AP3D1: variants seen among roughly 807,000 people sequenced by gnomAD.
The protein encoded by AP3D1 is adaptor related protein complex 3 subunit delta 1.
A neutral mutation model predicts 147.6 loss-of-function variants in AP3D1; 51 were observed. The ratio of observed to expected loss-of-function variants is 0.35; its 90% confidence interval spans 0.28 to 0.44. The LOEUF (loss-of-function observed/expected upper bound fraction) is 0.44, where lower values mean the gene tolerates loss of function less well. Ranked by LOEUF, AP3D1 falls within the 20% of genes least tolerant of loss-of-function variation. The pLI is 1.00. For synonymous variants in AP3D1, 760 were observed against 663.0 expected (o/e 1.15, Z -2.25); for missense variants, 1,421 against 1,624.2 (o/e 0.87, Z 2.15).
chr19:2,138,556 G>C (rs972872331), intron 2 of AP3D1, 63 bp downstream of exon 2: 91 of 1,220,064 alleles, frequency 7.5e-5, no homozygotes, highest in Non-Finnish European at 1.0e-4. Context: ...ATGAATAGGG[G>C]ACACGTGCTG....
In AP3D1 at chr19:2,111,804, T is replaced by C. The variant is rs201127154; in HGVS notation, c.2812A>G (p.Lys938Glu). Residue 938 changes from lysine (K) to glutamate (E), a missense_variant, in exon 25 of 32, where the codon AAG (lysine) becomes GAG (glutamate). Physicochemically the swap from Lys to Glu is moderately conservative, Grantham distance 56. Transcript: ENST00000643116. ...CGCTCCTCCTTCTCCTTCCTGTGCT[T>C]CTTCTTCTTAGGCTTGGGAGATTTC... ...DKKSPKPKKK[K>E]HRKEKEERTK... is the part of the protein sequence containing the mutation. 6.2e-7 allele frequency: 1 copy of C among 1,613,884 alleles called. No individual in the cohort carries two copies.
intron 1 of AP3D1, among the ~76,000 whole-genome samples, chr19:2,139,737 G>C (rs547104050): frequency 6.6e-6 from 1 of 152,204 alleles, no homozygotes; most frequent in Non-Finnish European, 1.5e-5. Flanking sequence ...ACGGCTGCCC[G>C]GGCCCCGTCC....
Position 2,144,151 on chromosome 19 carries a change from G to A in AP3D1, c.97-5437C>T, listed in dbSNP as rs549545395. ...GAGTCAGGAAAGGGGACGCGCCGGC[G>A]AAGTGGTCCATCCTGCCCAGGATAA... On this transcript the variant is annotated intron_variant, in intron 1 of 31. Coordinates refer to ENST00000643116, the MANE Select transcript of AP3D1 (RefSeq NM_001261826.3). Among the ~76,000 whole-genome samples, 20 of 151,616 alleles carry A rather than the reference G, an allele frequency of 1.3e-4. No homozygotes were observed. In the South Asian group the frequency reaches 1.5e-3, roughly 11 times the overall value.
chr19:2,163,325 C>T (rs927034608), intron 1 of AP3D1, among the ~76,000 whole-genome samples: 8 of 151,418 alleles, frequency 5.3e-5, no homozygotes, highest in South Asian at 2.1e-4. Flanking sequence ...CTTCCCGCCT[C>T]GGCCTCACAA....
intron 24 of AP3D1, chr19:2,112,157 C>T: frequency 2.6e-6 from 1 of 391,938 alleles, no homozygotes; most frequent in Non-Finnish European, 4.8e-6. Flanking sequence ...CGAGAGGGAA[C>T]ACACACATCC....
chr19:2,159,133 G>A (rs1409168991), intron 1 of AP3D1, among the ~76,000 whole-genome samples: 1 of 151,978 alleles, frequency 6.6e-6, no homozygotes, highest in Non-Finnish European at 1.5e-5. Flanking sequence ...GGGATTACAG[G>A]CACACACCAC....
chr19:2,127,535 T>A (rs1599469650), intron 8 of AP3D1, among the ~76,000 whole-genome samples: 1 of 152,198 alleles, frequency 6.6e-6, no homozygotes, highest in Non-Finnish European at 1.5e-5. Flanking sequence ...TTGTTTTTTG[T>A]CTTTTCTGAG....
chr19:2,111,193 C>G (rs542520417), intron 26 of AP3D1, 92 bp downstream of exon 26: 87 of 1,498,484 alleles, frequency 5.8e-5, no homozygotes, highest in Non-Finnish European at 7.6e-5. Context: ...TACCAACATC[C>G]GGGAGCTGTG....
At chr19:2,135,478 G>A (rs2019052135) in intron 4 of AP3D1, among the ~76,000 whole-genome samples, 1 of 152,198 alleles carries the variant, frequency 6.6e-6, no homozygotes, top group Non-Finnish European at 1.5e-5. Context: ...AGAGGTTGCG[G>A]TGAGCCGACA....
At position 2,159,181 on chromosome 19, in the gene AP3D1, G is replaced by T. The variant is rs1271375944; in HGVS notation, c.-103+5175C>A. Among the ~76,000 whole-genome samples the T allele has an allele frequency of 2.6e-5, 4 of 151,160 alleles. No homozygotes were observed. The East Asian group carries it at 7.8e-4, about 29-fold the overall frequency. On this transcript the variant is annotated intron_variant, in intron 1 of 14. Coordinates refer to the AP3D1 transcript ENST00000643010. The stretch of plus-strand genomic sequence containing the variant: ...ATTTTTTTATTTTTAGTAGAGACGG[G>T]GTTTCACCATGTTGGCCACGATGGT...
Position 2,110,236 on chromosome 19 carries a change from G to A in AP3D1, c.3176-12C>T, listed in dbSNP as rs754088403. ...TTCGTTGGAGACGCCTGGCGGGGGC[G>A]AGAGGGAGTGGGGCCTGAGACGCTG... is the stretch of plus-strand genomic sequence containing the variant. On this transcript the variant is annotated splice_polypyrimidine_tract_variant and intron_variant, in intron 27 of 31. Coordinates refer to ENST00000643116, the MANE Select transcript of AP3D1 (RefSeq NM_001261826.3). 18 of 1,609,898 alleles carry A rather than the reference G, an allele frequency of 1.1e-5. No homozygotes were observed. The Middle Eastern group carries it at 6.5e-4, about 58-fold the overall frequency.
At chr19:2,114,381 C>A in intron 21 of AP3D1, 79 bp from the exon 22 acceptor site, 7 of 1,267,758 alleles carry the variant, frequency 5.5e-6, no homozygotes, top group Non-Finnish European at 7.9e-6. Context: ...CGTGTCCAAG[C>A]ATGTGGCAGT....
At position 2,111,395 on chromosome 19, in the gene AP3D1, G is replaced by A. The variant is rs532817489; in HGVS notation, c.2938-63C>T. 472 of 1,588,676 alleles carry A rather than the reference G, an allele frequency of 3.0e-4. 3 individuals are homozygous for A. The Middle Eastern group carries it at 7.4e-3, about 25-fold the overall frequency. On this transcript the variant is annotated intron_variant, in intron 25 of 31. Coordinates refer to ENST00000643116, the MANE Select transcript of AP3D1 (RefSeq NM_001261826.3). ...GAGCTCCGTCTCAGCGAAGACTCCA[G>A]TATGGCCCAATACCCCAGGTCGAAT...
intron 11 of AP3D1, among the ~76,000 whole-genome samples, chr19:2,122,877 C>T (rs1025778916): frequency 6.6e-6 from 1 of 152,214 alleles, no homozygotes; most frequent in Admixed American, 6.5e-5. Context: ...TACAAGGTAC[C>T]AGGCAGGGGC....
chr19:2,130,258 G>A (rs942006698), intron 6 of AP3D1, 150 bp downstream of exon 6: 4 of 1,252,904 alleles, frequency 3.2e-6, no homozygotes, highest in Non-Finnish European at 4.3e-6. Flanking sequence ...GCCCCAGCAA[G>A]GGGAGGCCCA....
intron 1 of AP3D1, among the ~76,000 whole-genome samples, chr19:2,158,482 A>AT (rs2019667461): frequency 6.8e-6 from 1 of 147,628 alleles, no homozygotes; most frequent in Non-Finnish European, 1.5e-5. Context: ...CTTTTTGTGT[A>AT]TTTTTTGTAG....
chr19:2,111,024 G>A (rs994782041), intron 26 of AP3D1, 128 bp from the exon 27 acceptor site: 12 of 1,107,306 alleles, frequency 1.1e-5, no homozygotes, highest in African/African-American at 1.6e-5. Flanking sequence ...GGAGAGGGGC[G>A]CCCCCTAGCC....
In AP3D1 at chr19:2,121,066, G is replaced by T; in HGVS notation, c.1277C>A (p.Thr426Asn). 6.2e-7 allele frequency: 1 copy of T among 1,613,524 alleles called. No homozygotes were observed. The change falls in exon 14 of 32, where the codon ACC becomes AAC. Residue 426 changes from threonine to asparagine, a missense_variant. This residue lies in a region of AP3D1 where 310 missense variants were observed against 388.1 expected (regional missense o/e 0.80). Coordinates refer to ENST00000643116, the MANE Select transcript of AP3D1 (RefSeq NM_001261826.3). ...GCCGTGCCGTGTGCCCTCCAGCCGGGTCAGCTCCACCAGGATGCTGATGTA... is the reference window on the plus strand; with the variant it reads ...GCCGTGCCGTGTGCCCTCCAGCCGGTTCAGCTCCACCAGGATGCTGATGTA... Reference protein sequence around the residue: ...EWYISILVELTRLEGTRHGHL... With the variant: ...EWYISILVELNRLEGTRHGHL...
At chr19:2,139,028 C>G (rs570428264) in intron 1 of AP3D1, among the ~76,000 whole-genome samples, 1 of 134,838 alleles carries the variant, frequency 7.4e-6, no homozygotes, top group South Asian at 2.3e-4. Flanking sequence ...CCACTGCATT[C>G]CAGCCCAGGT....
Sources: allele counts gnomAD v4.1 joint callset (sites outside exome capture counted in the v4.1 genomes callset), GRCh38; gene constraint gnomAD v4.1.1; regional missense constraint gnomAD v4.1.1; transcripts MANE v1.5; gene names NCBI Gene and HGNC (gene_info 2026-07-23, HGNC 2026-07-21).